Variants in CTNND2 observed in about 807,000 individuals in gnomAD.
CTNND2 encodes catenin delta 2.
In CTNND2, 22 loss-of-function variants were observed where a neutral mutation model predicts 144.4. That is an observed-to-expected ratio of 0.15 (90% confidence interval 0.11 to 0.22). The LOEUF (loss-of-function observed/expected upper bound fraction) is 0.22. CTNND2 is among the 10% of genes least tolerant of loss of function. The pLI is 1.00. For missense variants in CTNND2, 1,353 were observed against 1,618.8 expected, an observed-to-expected ratio of 0.84 and a Z score of 2.82; for synonymous variants, 751 against 695.6, an observed-to-expected ratio of 1.08 and a Z score of -1.25.
intron 1 of CTNND2, among the ~76,000 whole-genome samples, chr5:11,732,545 T>C (rs1787450150): frequency 6.6e-6 from 1 of 151,878 alleles, no homozygotes; most frequent in Non-Finnish European, 1.5e-5. Flanking sequence ...AAAGAAATCA[T>C]CAGAAGGAAA....
intron 18 of CTNND2, among the ~76,000 whole-genome samples, chr5:10,997,618 C>T (rs1332195854): frequency 6.6e-6 from 1 of 151,716 alleles, no homozygotes; most frequent in Non-Finnish European, 1.5e-5. Context: ...ATTTAAATCC[C>T]TGTCTTTTGA....
chr5:10,998,954 G>C (rs1579993552), intron 18 of CTNND2, among the ~76,000 whole-genome samples: 1 of 152,258 alleles, frequency 6.6e-6, no homozygotes. Context: ...CACAGATATA[G>C]AGGAGCAGCT....
chr5:11,547,911 C>T (rs1775386378), intron 3 of CTNND2, among the ~76,000 whole-genome samples: 2 of 152,206 alleles, frequency 1.3e-5, no homozygotes. Flanking sequence ...AAACCACTTG[C>T]ACGCCCACAC....
chr5:11,010,829 A>G (rs1258698143), intron 18 of CTNND2, among the ~76,000 whole-genome samples: 1 of 152,278 alleles, frequency 6.6e-6, no homozygotes, highest in African/African-American at 2.4e-5. Context: ...ATCAAAGCTC[A>G]TTCTTCACTT....
chr5:11,137,730 C>T (rs1443453914), intron 12 of CTNND2, among the ~76,000 whole-genome samples: 1 of 152,146 alleles, frequency 6.6e-6, no homozygotes, highest in Non-Finnish European at 1.5e-5. Context: ...CAGGCAAATC[C>T]TTATTTATGG....
intron 9 of CTNND2, among the ~76,000 whole-genome samples, chr5:11,237,789 ATGT>A (rs1021032538): frequency 6.6e-6 from 1 of 152,212 alleles, no homozygotes; most frequent in African/African-American, 2.4e-5. Context: ...CCAATCCAAA[ATGT>A]TGTGATAGCA....
At chr5:11,575,761 C>A (rs542900072) in intron 2 of CTNND2, among the ~76,000 whole-genome samples, 5 of 152,268 alleles carry the variant, frequency 3.3e-5, no homozygotes, top group South Asian at 2.1e-4. Context: ...TTCTGACACA[C>A]CACCTCCTGC....
chr5:11,449,603 C>T (rs1399933935), intron 3 of CTNND2, among the ~76,000 whole-genome samples: 3 of 152,118 alleles, frequency 2.0e-5, no homozygotes, highest in Non-Finnish European at 4.4e-5. Context: ...CTCAAAAAGC[C>T]CCCCATCCAT....
At chr5:11,355,862 C>T (rs1026565240) in intron 8 of CTNND2, among the ~76,000 whole-genome samples, 1 of 152,024 alleles carries the variant, frequency 6.6e-6, no homozygotes, top group Non-Finnish European at 1.5e-5. Flanking sequence ...CAAATCAACA[C>T]ACAAAAATCT....
chr5:11,321,517 G>T (rs984043558), intron 9 of CTNND2, among the ~76,000 whole-genome samples: 20 of 152,142 alleles, frequency 1.3e-4, no homozygotes, highest in African/African-American at 4.8e-4. Context: ...ATTTAAGAAA[G>T]CCCTGTAATA....
At chr5:11,845,182 T>G (rs1468908237) in intron 1 of CTNND2, among the ~76,000 whole-genome samples, 4 of 152,206 alleles carry the variant, frequency 2.6e-5, no homozygotes, top group Non-Finnish European at 5.9e-5. Flanking sequence ...TTAGCACCAT[T>G]TTGAATGTGA....
At chr5:11,726,248 A>T (rs991250758) in intron 2 of CTNND2, among the ~76,000 whole-genome samples, 1 of 152,224 alleles carries the variant, frequency 6.6e-6, no homozygotes, top group Non-Finnish European at 1.5e-5. Flanking sequence ...AATTATATTA[A>T]ATAATTCACA....
intron 10 of CTNND2, among the ~76,000 whole-genome samples, chr5:11,208,400 T>C (rs1308870262): frequency 1.3e-5 from 2 of 151,690 alleles, no homozygotes; most frequent in Admixed American, 1.3e-4. Context: ...ACAAGAAAAA[T>C]AGAGAATTAT....
chr5:11,473,676 A>G (rs1199388397), intron 3 of CTNND2, among the ~76,000 whole-genome samples: 2 of 152,246 alleles, frequency 1.3e-5, no homozygotes, highest in Admixed American at 1.3e-4. Context: ...ACACTGAGAG[A>G]AGGACACAGC....
At chr5:11,635,714 A>C (rs1292568825) in intron 2 of CTNND2, among the ~76,000 whole-genome samples, 1 of 152,128 alleles carries the variant, frequency 6.6e-6, no homozygotes, top group Non-Finnish European at 1.5e-5. Context: ...ATAGGAAAGA[A>C]TATCTTTTTT....
At chr5:11,538,141 C>T (rs990106327) in intron 3 of CTNND2, among the ~76,000 whole-genome samples, 7 of 152,194 alleles carry the variant, frequency 4.6e-5, no homozygotes, top group East Asian at 1.9e-4. Context: ...CATAAACCAA[C>T]TGCTTCTCTA....
At chr5:11,793,512 C>G (rs1332506333) in intron 1 of CTNND2, among the ~76,000 whole-genome samples, 1 of 152,122 alleles carries the variant, frequency 6.6e-6, no homozygotes, top group Non-Finnish European at 1.5e-5. Context: ...AGCTCCTAAA[C>G]CAATATGACA....
intron 10 of CTNND2, among the ~76,000 whole-genome samples, chr5:11,207,384 TA>T (rs202182480): frequency 0.039 from 5,438 of 139,436 alleles, 133 homozygotes; most frequent in Admixed American, 0.064. Context: ...TTCAAGTATT[TA>T]AAAAAAAAAA....
chr5:11,069,673 C>CAGACAGAG (rs3032074), intron 16 of CTNND2, among the ~76,000 whole-genome samples: 1 of 145,180 alleles, frequency 6.9e-6, no homozygotes, highest in Non-Finnish European at 1.5e-5. Flanking sequence ...GACAGACAGA[C>CAGACAGAG]AGACAGAGAG....
Sources: allele counts gnomAD v4.1 joint callset (sites outside exome capture counted in the v4.1 genomes callset), GRCh38; gene constraint gnomAD v4.1.1; transcripts MANE v1.5; gene names NCBI Gene and HGNC (gene_info 2026-07-23, HGNC 2026-07-21).